Variants in RASEF observed in about 807,000 individuals in gnomAD.
RASEF encodes RAS and EF-hand domain containing.
Under a neutral mutation model 90.1 loss-of-function variants are expected in RASEF, and 68 were observed. The ratio of observed to expected loss-of-function variants is 0.75; its 90% CI spans 0.62 to 0.92. The LOEUF (loss-of-function observed/expected upper bound fraction) is 0.92. RASEF is among the 40% of genes least tolerant of loss of function. RASEF has a pLI of 0.00. For synonymous variants in RASEF, 331 were observed against 345.2 expected (o/e 0.96, Z 0.46); for missense variants, 949 against 937.2 (o/e 1.01, Z -0.16).
At chr9:82,993,177 T>A in intron 14 of RASEF, 152 bp from the exon 15 acceptor site, 1 of 734,388 alleles carries the variant, frequency 1.4e-6, no homozygotes, top group Non-Finnish European at 2.1e-6. Context: ...AAAGTATCTC[T>A]AAAAACAGCC....
At chr9:83,143,544 AT>A in the RASEF span, among the ~76,000 whole-genome samples, 2 of 152,152 alleles carry the variant, frequency 1.3e-5, no homozygotes, top group African/African-American at 4.8e-5. Flanking sequence ...TATTTAACTT[AT>A]TGCTAATATT....
intron 7 of RASEF, among the ~76,000 whole-genome samples, chr9:83,006,821 T>C (rs145875951): frequency 0.015 from 2,215 of 152,118 alleles, 51 homozygotes; most frequent in African/African-American, 0.051. Flanking sequence ...GGGCCGGGCG[T>C]GGTGGCTCAT....
intron 14 of RASEF, among the ~76,000 whole-genome samples, chr9:82,994,831 G>A (rs890832399): frequency 5.9e-5 from 9 of 152,070 alleles, no homozygotes; most frequent in African/African-American, 1.2e-4. Flanking sequence ...TTCCATTGAA[G>A]TATATCAATT....
At chr9:82,990,719 T>A (rs896538551) in intron 15 of RASEF, among the ~76,000 whole-genome samples, 1 of 152,218 alleles carries the variant, frequency 6.6e-6, no homozygotes, top group African/African-American at 2.4e-5. Context: ...GTTTGAAGGT[T>A]TTTATTTCCA....
rs746386630 is a variant in RASEF at position 83,062,672 on chromosome 9, C to G, written c.196G>C (p.Glu66Gln). ...GACCCGAGGAAGCCACGCGCGAACT[C>G]CTGGAAGGTGATGGCGCCGTCACGG... is the stretch of plus-strand genomic sequence containing the variant. The part of the protein sequence containing the change: ...ADRDGAITFQ[E>Q]FARGFLGSLR... The change falls in exon 1 of 17, where the codon GAG (glutamate) becomes CAG (glutamine). Residue 66 changes from glutamate to glutamine, a missense_variant. Glu to Gln is a conservative substitution (Grantham distance 29). Coordinates refer to ENST00000376447, the MANE Select transcript of RASEF (RefSeq NM_152573.4). 2 of 1,574,594 alleles carry G rather than the reference C, an allele frequency of 1.3e-6. No individual in the cohort carries two copies. The highest frequency in any genetic ancestry group is 1.7e-6 in the Non-Finnish European group (2 of 1,168,634).
At chr9:83,048,722 TA>T (rs1156815886) in intron 1 of RASEF, 31 of 985,124 alleles carry the variant, frequency 3.1e-5, no homozygotes, top group African/African-American at 3.5e-5. Context: ...ACAGAGGAGA[TA>T]AATACACATT....
the RASEF span, among the ~76,000 whole-genome samples, chr9:83,159,224 A>T: frequency 0.34 from 51,307 of 151,290 alleles, 8,811 homozygotes; most frequent in Middle Eastern, 0.42. Flanking sequence ...TGCAAGGCAG[A>T]ATATACTTGC....
upstream of RASEF, among the ~76,000 whole-genome samples, chr9:83,065,695 G>T (rs906845675): frequency 2.6e-5 from 4 of 152,162 alleles, no homozygotes; most frequent in Non-Finnish European, 4.4e-5. Flanking sequence ...CCAGGCTCTT[G>T]TCCTAACATC....
chr9:83,205,470 C>T, the RASEF span, among the ~76,000 whole-genome samples: 1 of 152,196 alleles, frequency 6.6e-6, no homozygotes, highest in Admixed American at 6.5e-5. Context: ...TGACTATGCT[C>T]ATGCTGTTTC....
In RASEF at chr9:82,981,579, T is replaced by C. The variant is rs1353263326; in HGVS notation, c.*1098A>G. 1.3e-5 allele frequency: 2 copies of C among 152,146 alleles called. No homozygotes were observed. Among genetic ancestry groups the C allele is most frequent in the Non-Finnish European group, 1.5e-5 (1 of 68,030 alleles). 9.4% of individuals were successfully genotyped at this position (152,146 alleles called of 1,614,324 possible). A position where few individuals can be genotyped will look rare whatever the true frequency, so the allele number is the denominator to read the frequency against. ...AATGAAAATTTTGCAAAATGTTACA[T>C]CACTCTAAGTACTAGCATTTTTTTT... On this transcript the variant is annotated 3_prime_UTR_variant, in exon 17 of 17. Transcript: ENST00000376447.
chr9:83,155,321 G>A, the RASEF span, among the ~76,000 whole-genome samples: 1 of 152,136 alleles, frequency 6.6e-6, no homozygotes, highest in Non-Finnish European at 1.5e-5. Flanking sequence ...CCAAGACTGG[G>A]TAATCTATAA....
chr9:83,109,517 G>A, the RASEF span, among the ~76,000 whole-genome samples: 1 of 152,156 alleles, frequency 6.6e-6, no homozygotes, highest in African/African-American at 2.4e-5. Context: ...GACATGGCAT[G>A]TTTTGACCAA....
chr9:83,198,569 A>G, the RASEF span, among the ~76,000 whole-genome samples: 1 of 152,192 alleles, frequency 6.6e-6, no homozygotes, highest in Non-Finnish European at 1.5e-5. Flanking sequence ...TACAGAAGCC[A>G]ATCAATGAGA....
chr9:83,099,788 G>A, the RASEF span, among the ~76,000 whole-genome samples: 3 of 152,178 alleles, frequency 2.0e-5, no homozygotes, highest in Non-Finnish European at 2.9e-5. Context: ...CTAAATTTGT[G>A]AGCTTGCATA....
the RASEF span, among the ~76,000 whole-genome samples, chr9:83,165,006 A>G: frequency 6.6e-6 from 1 of 152,070 alleles, no homozygotes; most frequent in Non-Finnish European, 1.5e-5. Context: ...TACATAAGGC[A>G]AAAACTGACA....
chr9:83,021,455 A>G (rs1255665431), intron 3 of RASEF, among the ~76,000 whole-genome samples: 1 of 152,232 alleles, frequency 6.6e-6, no homozygotes, highest in East Asian at 1.9e-4. Flanking sequence ...ATAAACATTA[A>G]TCACCCAAAA....
chr9:83,134,787 T>C, the RASEF span, among the ~76,000 whole-genome samples: 35 of 150,616 alleles, frequency 2.3e-4, no homozygotes, highest in Non-Finnish European at 1.5e-5. Flanking sequence ...AATAAACACA[T>C]GTCTACACAA....
At chr9:83,177,472 G>A in the RASEF span, among the ~76,000 whole-genome samples, 1 of 152,050 alleles carries the variant, frequency 6.6e-6, no homozygotes, top group South Asian at 2.1e-4. Flanking sequence ...TGGATATAAG[G>A]TTCTTGGTTG....
At chr9:83,088,829 C>T in the RASEF span, among the ~76,000 whole-genome samples, 1 of 151,878 alleles carries the variant, frequency 6.6e-6, no homozygotes, top group African/African-American at 2.4e-5. Flanking sequence ...ACAAGTGAAT[C>T]TCTTATAGAT....
Sources: gnomAD v4.1 joint callset for allele counts (sites outside exome capture counted in the v4.1 genomes callset) on GRCh38, gnomAD v4.1.1 for gene constraint, MANE v1.5 for transcripts, NCBI Gene and HGNC (gene_info 2026-07-23, HGNC 2026-07-21) for gene names.